NBAS: variants seen among roughly 807,000 people sequenced by gnomAD.
The protein encoded by NBAS is NAG/BC035112 fusion.
A neutral mutation model predicts 302.5 loss-of-function variants in NBAS; 219 were observed. That is an observed-to-expected ratio of 0.72 (90% CI 0.65 to 0.81). The LOEUF (loss-of-function observed/expected upper bound fraction) is 0.81, where lower values mean the gene tolerates loss of function less well. Among genes scored for constraint, NBAS ranks in the 30% least tolerant of loss-of-function variants. The pLI, the probability that NBAS is intolerant of heterozygous loss-of-function variation, is 0.00. For synonymous variants in NBAS, 1,118 were observed against 1,021.6 expected (o/e 1.09, Z -1.80); for missense variants, 2,932 against 2,841.6 (o/e 1.03, Z -0.72).
chr2:15,277,495 T>G (rs552430751), intron 42 of NBAS, among the ~76,000 whole-genome samples: 1 of 152,254 alleles, frequency 6.6e-6, no homozygotes, highest in East Asian at 1.9e-4. Context: ...CACAGAAACA[T>G]AAACAGCCTT....
chr2:15,480,978 C>A (rs1680405912), intron 12 of NBAS, among the ~76,000 whole-genome samples: 1 of 152,306 alleles, frequency 6.6e-6, no homozygotes, highest in South Asian at 2.1e-4. Flanking sequence ...GCAGTTACTC[C>A]CTTTTCCTCT....
chr2:14,874,195 A>G, the NBAS span, among the ~76,000 whole-genome samples: 1,013 of 152,326 alleles, frequency 6.7e-3, 2 homozygotes, highest in Non-Finnish European at 0.01. Context: ...CCTTAAAGAT[A>G]CAGACTCACT....
chr2:14,995,679 T>C, the NBAS span, among the ~76,000 whole-genome samples: 293 of 152,358 alleles, frequency 1.9e-3, no homozygotes, highest in Middle Eastern at 3.4e-3. Flanking sequence ...CAACATCTGC[T>C]GTTCTTCAGT....
At chr2:14,850,234 A>G in the NBAS span, among the ~76,000 whole-genome samples, 1 of 132,392 alleles carries the variant, frequency 7.6e-6, no homozygotes, top group Non-Finnish European at 1.5e-5. Context: ...ATGGAGGAAG[A>G]TCTACCAAGC....
At chr2:15,539,097 T>G in intron 7 of NBAS, 126 bp downstream of exon 7, 1 of 1,313,464 alleles carries the variant, frequency 7.6e-7, no homozygotes, top group South Asian at 1.3e-5. Flanking sequence ...TCTGGGCGTC[T>G]TAAGTCCACA....
At position 15,407,330 on chromosome 2, in the gene NBAS, G is replaced by A. The variant is rs116208665; in HGVS notation, c.2938-5029C>T. On this transcript the variant is annotated intron_variant, in intron 25 of 51. Coordinates refer to ENST00000281513, the MANE Select transcript of NBAS (RefSeq NM_015909.4). ...GTTTAAGGGGTTAAGTATGCCCTCC[G>A]CAAACATATCTTGCTGGGACAGGAG... 3.4e-3 allele frequency among the ~76,000 whole-genome samples: 510 copies of A among 152,204 alleles called. 2 individuals are homozygous for A. Among genetic ancestry groups the A allele is most frequent in the African/African-American group, 0.011 (467 of 41,526 alleles).
chr2:15,463,287 T>C (rs968310521), intron 19 of NBAS, among the ~76,000 whole-genome samples: 10 of 152,168 alleles, frequency 6.6e-5, no homozygotes, highest in African/African-American at 2.2e-4. Context: ...AAAAAAGCTC[T>C]CAGTTCCTTG....
At chr2:14,843,347 G>A in the NBAS span, among the ~76,000 whole-genome samples, 1 of 151,966 alleles carries the variant, frequency 6.6e-6, no homozygotes, top group African/African-American at 2.4e-5. Flanking sequence ...TAAACAAAGG[G>A]CACATAAATT....
intron 32 of NBAS, among the ~76,000 whole-genome samples, chr2:15,364,771 A>C (rs1674114272): frequency 6.6e-6 from 1 of 152,030 alleles, no homozygotes; most frequent in Non-Finnish European, 1.5e-5. Flanking sequence ...ACAGAGTCCA[A>C]CCCTAGCCAC....
chr2:15,306,828 T>C (rs994118802), intron 40 of NBAS, among the ~76,000 whole-genome samples: 10 of 152,044 alleles, frequency 6.6e-5, no homozygotes, highest in South Asian at 4.2e-4. Flanking sequence ...GTACAATTCA[T>C]TGGTAAACTT....
intron 47 of NBAS, among the ~76,000 whole-genome samples, chr2:15,222,982 A>T (rs746506450): frequency 4.8e-4 from 73 of 152,260 alleles, no homozygotes; most frequent in Non-Finnish European, 4.4e-5. Context: ...GTTCAAACAT[A>T]TAATAAAATT....
At chr2:14,975,705 T>C in the NBAS span, among the ~76,000 whole-genome samples, 1 of 152,108 alleles carries the variant, frequency 6.6e-6, no homozygotes. Context: ...GAAGCCTAAG[T>C]CCCACATACG....
chr2:15,373,939 T>C (rs1289148947), intron 31 of NBAS, among the ~76,000 whole-genome samples: 1 of 152,110 alleles, frequency 6.6e-6, no homozygotes, highest in East Asian at 1.9e-4. Flanking sequence ...CAACAGAAAA[T>C]CTACCTTCCT....
the NBAS span, among the ~76,000 whole-genome samples, chr2:15,129,846 C>T: frequency 6.6e-6 from 1 of 152,206 alleles, no homozygotes; most frequent in African/African-American, 2.4e-5. Context: ...GGAGACCACA[C>T]ATTTCCTAGG....
chr2:14,847,104 C>T, the NBAS span, among the ~76,000 whole-genome samples: 1 of 152,002 alleles, frequency 6.6e-6, no homozygotes, highest in Non-Finnish European at 1.5e-5. Context: ...ACATAGACGG[C>T]CGGGCATGGT....
chr2:15,126,015 C>A, the NBAS span, among the ~76,000 whole-genome samples: 1 of 152,130 alleles, frequency 6.6e-6, no homozygotes, highest in Admixed American at 6.5e-5. Context: ...TCAAATCTCA[C>A]GTTGAAGTGT....
rs914003717 is a variant in NBAS at position 15,553,407 on chromosome 2, G to A, written c.335+19C>T. ...ATTTCTCAAAGGAAATCTTGAATAT[G>A]AATAATATTAACAATTACCTGATTT... On this transcript the variant is annotated intron_variant, in intron 5 of 51. Coordinates refer to ENST00000281513, the MANE Select transcript of NBAS (RefSeq NM_015909.4). 1 of 1,589,134 alleles carries A rather than the reference G, an allele frequency of 6.3e-7. No homozygotes were observed. The highest frequency in any genetic ancestry group is 1.7e-5 in the Admixed American group (1 of 59,968).
the NBAS span, among the ~76,000 whole-genome samples, chr2:15,010,241 A>C: frequency 6.6e-6 from 1 of 152,162 alleles, no homozygotes; most frequent in Non-Finnish European, 1.5e-5. Context: ...AAACCCAGGA[A>C]GCACATTTTT....
the NBAS span, among the ~76,000 whole-genome samples, chr2:14,854,338 T>C: frequency 1.3e-5 from 2 of 151,396 alleles, no homozygotes; most frequent in Admixed American, 1.3e-4. Context: ...AGACCAAAAA[T>C]AAATGAATTT....
Sources: gnomAD v4.1 joint callset for allele counts (sites outside exome capture counted in the v4.1 genomes callset) on GRCh38, gnomAD v4.1.1 for gene constraint, MANE v1.5 for transcripts, NCBI Gene and HGNC (gene_info 2026-07-23, HGNC 2026-07-21) for gene names.